The following ANO8 variants were observed in gnomAD, a reference collection of about 807,000 sequenced individuals.
ANO8 encodes anoctamin 8, also known as anoctamin-8.
ANO8 carries 67 observed loss-of-function variants against 120.4 expected under a neutral mutation model. The ratio of observed to expected loss-of-function variants is 0.56; its 90% confidence interval spans 0.46 to 0.68. The LOEUF (loss-of-function observed/expected upper bound fraction) is 0.68, where lower values mean the gene tolerates loss of function less well. Among genes scored for constraint, ANO8 ranks in the 30% least tolerant of loss-of-function variants. The pLI is 0.00. For missense variants in ANO8, 1,526 were observed against 1,737.6 expected (o/e 0.88, Z 2.16); for synonymous variants, 727 against 759.2 (o/e 0.96, Z 0.70).
At chr19:17,325,954 G>C (rs1343158450) in intron 16 of ANO8, among the ~76,000 whole-genome samples, 1 of 152,188 alleles carries the variant, frequency 6.6e-6, no homozygotes, top group Non-Finnish European at 1.5e-5. Flanking sequence ...AAAGCGTATT[G>C]GGCGCCAGCT....
Position 17,330,879 on chromosome 19 carries a change from C to T in ANO8, c.942G>A (p.Gly314=), listed in dbSNP as rs930524526. Residue 314 remains glycine (G), a synonymous_variant, in exon 8 of 18, where the codon GGG becomes GGA. Coordinates refer to ENST00000159087, the MANE Select transcript of ANO8 (RefSeq NM_020959.3). ...CGGCTTCCCCAGGTGAGTCCAGCGTCCCCCACTTATATGCCAGCTCAGCCC... is the reference window on the plus strand; with the variant it reads ...CGGCTTCCCCAGGTGAGTCCAGCGTTCCCCACTTATATGCCAGCTCAGCCC... ...RRGAELAYKW[G]TLDSPGEAVE... The T allele has an allele frequency of 6.2e-7, 1 of 1,614,162 alleles. No individual in the cohort carries two copies. Among genetic ancestry groups the T allele is most frequent in the South Asian group, 1.1e-5 (1 of 91,084 alleles).
chr19:17,329,022 G>T (rs1309105930), intron 12 of ANO8, 39 bp from the exon 13 acceptor site: 2 of 1,398,130 alleles, frequency 1.4e-6, no homozygotes, highest in Non-Finnish European at 1.9e-6. Flanking sequence ...CGCGTGGGGG[G>T]CAAGCGGGGC....
Position 17,328,609 on chromosome 19 carries a change from C to CTCGTCCTCCTCCTCCTCG in ANO8, c.1761_1778dup (p.Asp587_Asp592dup). Reference sequence around the variant, plus strand: ...CCTCCTCCTCGTCCTCCTCTTCCTCCTCGTCCTCCTCCTCCTCGTCGTCCT... The same window carrying CTCGTCCTCCTCCTCCTCG: ...CCTCCTCCTCGTCCTCCTCTTCCTCCTCGTCCTCCTCCTCCTCGTCGTCCTCCTCCTCCTCGTCGTCCT... On this transcript the variant is annotated inframe_insertion, in exon 13 of 18. Coordinates refer to ENST00000159087, the MANE Select transcript of ANO8 (RefSeq NM_020959.3). The CTCGTCCTCCTCCTCCTCG allele has an allele frequency of 5.2e-6, 8 of 1,542,150 alleles. No individual in the cohort carries two copies. The highest frequency in any genetic ancestry group is 1.4e-5 in the African/African-American group (1 of 72,800).
At chr19:17,329,868 C>T in intron 11 of ANO8, 37 bp from the exon 12 acceptor site, 30 of 1,613,020 alleles carry the variant, frequency 1.9e-5, no homozygotes, top group Non-Finnish European at 2.5e-5. Context: ...ATCCTGCACC[C>T]CCACCCGACT....
Position 17,330,267 on chromosome 19 carries a change from G to T in ANO8, c.1147-16C>A. 1 of 1,613,878 alleles carries T rather than the reference G, an allele frequency of 6.2e-7. No homozygotes were observed. Among genetic ancestry groups the T allele is most frequent in the Non-Finnish European group, 8.5e-7 (1 of 1,179,972 alleles). On this transcript the variant is annotated splice_polypyrimidine_tract_variant and intron_variant, in intron 9 of 17. Coordinates refer to ENST00000159087, the MANE Select transcript of ANO8 (RefSeq NM_020959.3). The stretch of plus-strand genomic sequence containing the variant: ...GCACCAGCTCCTGCGGGAGAAGGGG[G>T]TTCAGGGCTCATCCCAGCTGCAGGG...
At chr19:17,331,922 C>T (rs1395372975) in intron 5 of ANO8, among the ~76,000 whole-genome samples, 5 of 143,422 alleles carry the variant, frequency 3.5e-5, no homozygotes, top group Non-Finnish European at 4.6e-5. Context: ...TGTGAGCCAC[C>T]GCGCCCGGCT....
In ANO8 at chr19:17,328,228, C is replaced by T. The variant is rs1212520308; in HGVS notation, c.2160G>A (p.Pro720=). The T allele has an allele frequency of 3.1e-6, 5 of 1,605,904 alleles. No homozygotes were observed. Among genetic ancestry groups the T allele is most frequent in the Non-Finnish European group, 4.3e-6 (5 of 1,174,334 alleles). ...GCTGGGGCGAGTGTTCCTCCTCCGG[C>T]GGGTCAATCCAAGACGACCGGTTCT... ...RRQNRSSWID[P]PEEEHSPQLT... Residue 720 remains proline (P), a synonymous_variant, in exon 13 of 18, where the codon CCG becomes CCA. Coordinates refer to ENST00000159087, the MANE Select transcript of ANO8 (RefSeq NM_020959.3).
rs112357946 is a variant in ANO8, at chr19:17,328,291, G to C, written c.2097C>G (p.Pro699=). The stretch of plus-strand genomic sequence containing the variant: ...TACGGGTCGAATCGCTGTTGGAGCC[G>C]GGTTCCGGGTCCGGGCCCCCGTCGG... ...QGPDGGPDPE[P]GSNSDSTRRQ... The change falls in exon 13 of 18, where the codon CCC becomes CCG. Residue 699 remains proline (P), a synonymous_variant. Transcript: ENST00000159087. The C allele has an allele frequency of 6.2e-7, 1 of 1,605,408 alleles. No individual in the cohort carries two copies. Among genetic ancestry groups the C allele is most frequent in the Non-Finnish European group, 8.5e-7 (1 of 1,177,132 alleles).
rs2074329462 is a variant in ANO8 at position 17,332,917 on chromosome 19, C to T, written c.586+13G>A. The T allele has an allele frequency of 2.5e-6, 4 of 1,613,650 alleles. No homozygotes were observed. Among genetic ancestry groups the T allele is most frequent in the Middle Eastern group, 1.7e-4 (1 of 5,912 alleles). ...TCTCTGCCTGTGATTGGTGTTGACC[C>T]CGCCCTGCTCACTGATTGGCTGGTC... On this transcript the variant is annotated intron_variant, in intron 5 of 17. Transcript: ENST00000159087.
Position 17,327,887 on chromosome 19 carries a change from G to A in ANO8, c.2227-7C>T, listed in dbSNP as rs2145685878. On this transcript the variant is annotated splice_polypyrimidine_tract_variant and splice_region_variant and intron_variant, in intron 13 of 17. Coordinates refer to ENST00000159087, the MANE Select transcript of ANO8 (RefSeq NM_020959.3). ...GGTAGTCCTGGAACGTGTCCTGCGA[G>A]TGGGCGGGCCTCAGACCTGGAAGCC... 1.9e-6 allele frequency: 3 copies of A among 1,611,878 alleles called. No individual in the cohort carries two copies. The highest frequency in any genetic ancestry group is 2.5e-6 in the Non-Finnish European group (3 of 1,178,508).
chr19:17,324,516 C>T (rs918935765), intron 17 of ANO8, among the ~76,000 whole-genome samples: 17 of 151,956 alleles, frequency 1.1e-4, no homozygotes, highest in Non-Finnish European at 1.9e-4. Context: ...GGGTCAGGCA[C>T]GGGGCTCCAG....
chr19:17,324,882 GGAA>G lies in ANO8; in HGVS notation c.3163_3165del (p.Phe1055del). On this transcript the variant is annotated inframe_deletion, in exon 17 of 18. Coordinates refer to ENST00000159087, the MANE Select transcript of ANO8 (RefSeq NM_020959.3). ...GGCTCAGCCCGGGTGCCACCAAAGG[GGAA>G]GAGCTTGCCAGCATGGAAGGCTTTG... The G allele has an allele frequency of 6.2e-7, 1 of 1,613,300 alleles. No homozygotes were observed. Among genetic ancestry groups the G allele is most frequent in the Non-Finnish European group, 8.5e-7 (1 of 1,179,820 alleles).
rs1191174005 is a variant in ANO8, at chr19:17,329,778, C to T, written c.1383G>A (p.Lys461=). The part of the protein sequence containing the change: ...LSLFYIGFYL[K]DMERLKEMLA... Reference sequence around the variant, plus strand: ...TCACCTCTTTCAAGCGCTCCATGTCCTTGAGGTAGAAACCGATGTAGAAGA... The same window carrying T: ...TCACCTCTTTCAAGCGCTCCATGTCTTTGAGGTAGAAACCGATGTAGAAGA... The change falls in exon 12 of 18, where the codon AAG becomes AAA. Residue 461 remains lysine (K), a synonymous_variant. Transcript: ENST00000159087. The T allele has an allele frequency of 6.2e-7, 1 of 1,613,250 alleles. No individual in the cohort carries two copies. Among genetic ancestry groups the T allele is most frequent in the South Asian group, 1.1e-5 (1 of 91,036 alleles).
At chr19:17,326,686 G>A (rs951559821) in intron 16 of ANO8, among the ~76,000 whole-genome samples, 2 of 152,218 alleles carry the variant, frequency 1.3e-5, no homozygotes, top group African/African-American at 4.8e-5. Flanking sequence ...GCAGACAAAG[G>A]ACATTGTCAT....
chr19:17,333,460 C>T lies in ANO8; in HGVS notation c.312G>A (p.Thr104=), dbSNP rs371083731. The change falls in exon 3 of 18, where the codon ACG becomes ACA. Residue 104 remains threonine, a synonymous_variant. Transcript: ENST00000159087. The surrounding 1 kb of genome is among the most constrained non-coding windows in gnomAD (Gnocchi z 7.2). ...CGGTGACAAAGAAGGCGTAGGCACGCGTGTGGCGGTGGTGGCGGACTTGCA... is the reference window on the plus strand; with the variant it reads ...CGGTGACAAAGAAGGCGTAGGCACGTGTGTGGCGGTGGTGGCGGACTTGCA... ...LIVQVRHHRH[T]RAYAFFVTAT... 9 of 1,613,466 alleles carry T rather than the reference C, an allele frequency of 5.6e-6. No individual in the cohort carries two copies. The highest frequency in any genetic ancestry group is 6.8e-6 in the Non-Finnish European group (8 of 1,180,024).
rs1238378413 is a variant in ANO8, at chr19:17,327,738, C to G, written c.2369G>C (p.Gly790Ala). 6.2e-7 allele frequency: 1 copy of G among 1,614,056 alleles called. No individual in the cohort carries two copies. Among genetic ancestry groups the G allele is most frequent in the Non-Finnish European group, 8.5e-7 (1 of 1,179,996 alleles). Residue 790 changes from glycine to alanine, a missense_variant, in exon 14 of 18, where the codon GGG becomes GCG. This residue lies in a region of ANO8 where 77 missense variants were observed against 131.5 expected (regional missense o/e 0.59). Coordinates refer to ENST00000159087, the MANE Select transcript of ANO8 (RefSeq NM_020959.3). Reference sequence around the variant, plus strand: ...GCGCTGGCCGAAGGGCCGCTGCAGCCCGGTGCACAGCTTGAAGGCGTCGCT... The same window carrying G: ...GCGCTGGCCGAAGGGCCGCTGCAGCGCGGTGCACAGCTTGAAGGCGTCGCT... ...IRSDAFKLCT[G>A]LQRPFGQRVE...
At position 17,323,343 on chromosome 19, in the gene ANO8, G is replaced by GTT. The variant is rs2074250274; in HGVS notation, c.*172_*173dup. ...TGTGTGTGTGTGTGTGTGTGTGTGT[G>GTT]TTTTCTGTTGGATTTGTGGGTTTCC... On this transcript the variant is annotated 3_prime_UTR_variant, in exon 18 of 18. Transcript: ENST00000159087. The GTT allele has an allele frequency of 1.5e-5, 6 of 394,404 alleles. No homozygotes were observed. The highest frequency in any genetic ancestry group is 2.1e-5 in the African/African-American group (1 of 47,106). The allele number at this position is 394,404 out of a possible 1,614,324, so 24.4% of individuals were successfully genotyped here.
chr19:17,327,353 G>C lies in ANO8; in HGVS notation c.2551-8C>G. The stretch of plus-strand genomic sequence containing the variant: ...GAGGAGCAGAGCGAAGTGCTGCAGG[G>C]GTGGCAGAGAGGAGGCTGCAGGCTG... On this transcript the variant is annotated splice_polypyrimidine_tract_variant and splice_region_variant and intron_variant, in intron 15 of 17. Transcript: ENST00000159087. The C allele has an allele frequency of 1.3e-6, 2 of 1,549,778 alleles. No homozygotes were observed. The highest frequency in any genetic ancestry group is 3.6e-4 in the Middle Eastern group (2 of 5,580).
intron 5 of ANO8, 49 bp from the exon 6 acceptor site, chr19:17,331,460 G>C (rs1452039167): frequency 1.3e-6 from 2 of 1,549,832 alleles, no homozygotes; most frequent in South Asian, 1.1e-5. Flanking sequence ...CCTGTGCCTA[G>C]CCTGGCTAGC....
Sources: allele counts gnomAD v4.1 joint callset (sites outside exome capture counted in the v4.1 genomes callset), GRCh38; gene constraint gnomAD v4.1.1; regional missense constraint gnomAD v4.1.1; non-coding constraint Gnocchi (gnomAD v3.1); transcripts MANE v1.5; gene names NCBI Gene and HGNC (gene_info 2026-07-23, HGNC 2026-07-21).